Variants in MAP2K4 observed in about 807,000 individuals in gnomAD.
The protein encoded by MAP2K4 is dual specificity mitogen-activated protein kinase kinase 4.
In MAP2K4, 4 loss-of-function variants were observed where a neutral mutation model predicts 48.5. The ratio of observed to expected loss-of-function variants is 0.08; its 90% CI spans 0.04 to 0.19. The LOEUF (loss-of-function observed/expected upper bound fraction) is 0.19. Ranked by LOEUF, MAP2K4 falls within the 10% of genes least tolerant of loss-of-function variation. The pLI, the probability that MAP2K4 is intolerant of heterozygous loss-of-function variation, is 1.00. For synonymous variants in MAP2K4, 166 were observed against 173.1 expected (o/e 0.96, Z 0.32); for missense variants, 258 against 493.3 (o/e 0.52, Z 4.52).
intron 7 of MAP2K4, chr17:12,115,793 T>G: frequency 1.4e-6 from 1 of 736,066 alleles, no homozygotes; most frequent in South Asian, 1.3e-5. Context: ...GGCAAGTTCC[T>G]GCTTCTGGGA....
At chr17:12,132,296 C>T (rs990923666) in intron 9 of MAP2K4, among the ~76,000 whole-genome samples, 1 of 152,048 alleles carries the variant, frequency 6.6e-6, no homozygotes, top group Non-Finnish European at 1.5e-5. Context: ...TAAGAATGTC[C>T]GGAAAAGCAC....
intron 2 of MAP2K4, among the ~76,000 whole-genome samples, chr17:12,058,356 C>T (rs550556758): frequency 7.9e-5 from 12 of 151,814 alleles, no homozygotes; most frequent in South Asian, 2.1e-4. Context: ...TGAGGTACTG[C>T]GCCTGGCCTA....
chr17:12,073,070 A>G (rs1415083348), intron 2 of MAP2K4, among the ~76,000 whole-genome samples: 1 of 152,256 alleles, frequency 6.6e-6, no homozygotes, highest in Non-Finnish European at 1.5e-5. Context: ...AGAAACAAAG[A>G]TGAAAATATG....
intron 1 of MAP2K4, among the ~76,000 whole-genome samples, chr17:12,038,620 A>T (rs1969679113): frequency 6.6e-6 from 1 of 152,194 alleles, no homozygotes; most frequent in Non-Finnish European, 1.5e-5. Context: ...TCTTTGAGAG[A>T]TTGAGCATAT....
At chr17:12,064,546 G>A (rs1970554157) in intron 2 of MAP2K4, among the ~76,000 whole-genome samples, 1 of 152,196 alleles carries the variant, frequency 6.6e-6, no homozygotes, top group Admixed American at 6.5e-5. Flanking sequence ...CCACCCGAAG[G>A]GCTAGAATTT....
At chr17:12,109,189 C>G (rs756289643) in intron 5 of MAP2K4, among the ~76,000 whole-genome samples, 1 of 152,004 alleles carries the variant, frequency 6.6e-6, no homozygotes, top group Admixed American at 6.6e-5. Context: ...TCCAGGCAGC[C>G]TGATCCCAGA....
intron 7 of MAP2K4, chr17:12,124,664 A>G (rs1481599082): frequency 2.0e-5 from 3 of 151,744 alleles, no homozygotes; most frequent in African/African-American, 7.3e-5. Flanking sequence ...TTCTTTTTTT[A>G]AAACCTTTTT....
At position 12,081,417 on chromosome 17, in the gene MAP2K4, C is replaced by T. The variant is rs1466199105; in HGVS notation, c.280C>T (p.His94Tyr). 6.2e-7 allele frequency: 1 copy of T among 1,613,930 alleles called. No individual in the cohort carries two copies. Among genetic ancestry groups the T allele is most frequent in the African/African-American group, 1.3e-5 (1 of 74,912 alleles). ...SGKLKISPEQHWDFTAEDLKD... is the reference protein window; with the variant it reads ...SGKLKISPEQYWDFTAEDLKD... ...AAAACTGAAGATCTCCCCTGAACAACACTGGGATTTCACTGCAGAGGACTT... is the reference window on the plus strand; with the variant it reads ...AAAACTGAAGATCTCCCCTGAACAATACTGGGATTTCACTGCAGAGGACTT... The change falls in exon 3 of 11, where the codon CAC becomes TAC. Residue 94 changes from histidine (H) to tyrosine (Y), a missense_variant. His to Tyr is a moderately conservative substitution (Grantham distance 83). Around this residue, in one of 3 missense-constraint regions of MAP2K4, gnomAD observed 132 missense variants for 352.8 expected, o/e 0.37. Transcript: ENST00000353533. This position sits in a 1 kb window ranked among gnomAD's most constrained non-coding sequence, Gnocchi z 4.2.
rs1391598759 is a variant in MAP2K4 at position 12,143,760 on chromosome 17, A to G, written c.*2500A>G. ...CTTTGTAATTTGATTTTCTGAAATC[A>G]GACCCTGAGAGGGGAAAATCTTAAA... is the stretch of plus-strand genomic sequence containing the variant. On this transcript the variant is annotated 3_prime_UTR_variant, in exon 11 of 11. Coordinates refer to ENST00000353533, the MANE Select transcript of MAP2K4 (RefSeq NM_003010.4). 45 of 229,948 alleles carry G rather than the reference A, an allele frequency of 2.0e-4. No individual in the cohort carries two copies. In the East Asian group the frequency reaches 2.8e-3, roughly 14 times the overall value. The allele number at this position is 229,948 out of a possible 1,614,324, so 14.2% of individuals were successfully genotyped here. A position where few individuals can be genotyped will look rare whatever the true frequency, so the allele number is the denominator to read the frequency against.
At chr17:12,021,900 CA>C (rs536524412) in intron 1 of MAP2K4, among the ~76,000 whole-genome samples, 289 of 152,274 alleles carry the variant, frequency 1.9e-3, no homozygotes, top group Non-Finnish European at 3.3e-3. Flanking sequence ...TGGCTTTTGA[CA>C]GGGGGTGTTG....
At chr17:12,045,067 C>T (rs1015908604) in intron 1 of MAP2K4, among the ~76,000 whole-genome samples, 4 of 152,194 alleles carry the variant, frequency 2.6e-5, no homozygotes, top group Non-Finnish European at 4.4e-5. Flanking sequence ...TGAGTACTTA[C>T]GTGTCAGCTG....
intron 1 of MAP2K4, among the ~76,000 whole-genome samples, chr17:12,048,923 C>T (rs1183962241): frequency 1.3e-5 from 2 of 152,132 alleles, no homozygotes; most frequent in Non-Finnish European, 2.9e-5. Flanking sequence ...TCCCAAAGTG[C>T]TAGGATTACA....
intron 1 of MAP2K4, among the ~76,000 whole-genome samples, chr17:12,051,848 A>G (rs920324999): frequency 1.1e-4 from 16 of 151,980 alleles, no homozygotes; most frequent in Non-Finnish European, 1.6e-4. Context: ...AAAGAAGTAA[A>G]GGAGAGAAGG....
chr17:12,131,152 T>C (rs544861917), intron 9 of MAP2K4, among the ~76,000 whole-genome samples: 2 of 152,098 alleles, frequency 1.3e-5, no homozygotes, highest in South Asian at 4.2e-4. Flanking sequence ...TATAGAGACT[T>C]CCTCTTGTCC....
chr17:12,065,439 C>T (rs1970585959), intron 2 of MAP2K4, among the ~76,000 whole-genome samples: 2 of 151,708 alleles, frequency 1.3e-5, no homozygotes, highest in Non-Finnish European at 2.9e-5. Flanking sequence ...GCTGGGATTA[C>T]AGGCCTACAC....
At chr17:12,100,598 A>G (rs1428695596) in intron 4 of MAP2K4, among the ~76,000 whole-genome samples, 2 of 152,176 alleles carry the variant, frequency 1.3e-5, no homozygotes, top group South Asian at 2.1e-4. Flanking sequence ...TGGCTGGATC[A>G]TATGGTAGGT....
At chr17:12,121,756 AT>A (rs1419722499) in intron 7 of MAP2K4, among the ~76,000 whole-genome samples, 1 of 152,148 alleles carries the variant, frequency 6.6e-6, no homozygotes. Flanking sequence ...GACTACAACT[AT>A]TTTTAGACAT....
At chr17:12,073,591 C>CT (rs1032619971) in intron 2 of MAP2K4, among the ~76,000 whole-genome samples, 7 of 152,078 alleles carry the variant, frequency 4.6e-5, no homozygotes, top group African/African-American at 1.2e-4. Context: ...GGATAATCTT[C>CT]TTTTTCTTTC....
In MAP2K4 at chr17:12,065,166, C is replaced by T. The variant is rs76369125; in HGVS notation, c.218+10175C>T. Among the ~76,000 whole-genome samples, 282 of 151,786 alleles carry T rather than the reference C, an allele frequency of 1.9e-3. 2 individuals carry two copies. Among genetic ancestry groups the T allele is most frequent in the African/African-American group, 6.3e-3 (260 of 41,388 alleles). ...CTGCATTTGTCAAAACTCATTGAGC[C>T]ACATATGCTTATGATTTGTGCATCT... On this transcript the variant is annotated intron_variant, in intron 2 of 10. Transcript: ENST00000353533.
Sources: allele counts gnomAD v4.1 joint callset (sites outside exome capture counted in the v4.1 genomes callset), GRCh38; gene constraint gnomAD v4.1.1; regional missense constraint gnomAD v4.1.1; non-coding constraint Gnocchi (gnomAD v3.1); transcripts MANE v1.5; gene names NCBI Gene and HGNC (gene_info 2026-07-23, HGNC 2026-07-21).